TMEM156: variants seen among roughly 807,000 people sequenced by gnomAD.
TMEM156 encodes transmembrane protein 156.
A neutral mutation model predicts 30.5 loss-of-function variants in TMEM156; 28 were observed. The ratio of observed to expected loss-of-function variants is 0.92; its 90% CI spans 0.68 to 1.26. The LOEUF (loss-of-function observed/expected upper bound fraction) is 1.26, where lower values mean the gene tolerates loss of function less well. Ranked by LOEUF, TMEM156 falls within the 50% of genes most tolerant of loss-of-function variation. The pLI is 0.00. For synonymous variants in TMEM156, 137 were observed against 119.9 expected, an observed-to-expected ratio of 1.14 and a Z score of -0.93; for missense variants, 351 against 340.6, an observed-to-expected ratio of 1.03 and a Z score of -0.24.
chr4:38,999,410 C>G (rs1713181441), intron 1 of TMEM156, among the ~76,000 whole-genome samples: 1 of 152,164 alleles, frequency 6.6e-6, no homozygotes, highest in Non-Finnish European at 1.5e-5. Flanking sequence ...CTTGGAATCT[C>G]AGCATTTTAA....
chr4:39,028,966 T>C (rs1468014701), intron 1 of TMEM156, among the ~76,000 whole-genome samples: 1 of 152,206 alleles, frequency 6.6e-6, no homozygotes, highest in Non-Finnish European at 1.5e-5. Context: ...GCTCCCTTTT[T>C]TGGTAAAGTT....
At chr4:38,982,266 A>G (rs1231567076) in intron 5 of TMEM156, among the ~76,000 whole-genome samples, 1 of 152,174 alleles carries the variant, frequency 6.6e-6, no homozygotes, top group Non-Finnish European at 1.5e-5. Context: ...CTTACTCCTC[A>G]GCTTGCAGAT....
At chr4:39,000,461 A>G (rs1252777739) in intron 1 of TMEM156, among the ~76,000 whole-genome samples, 1 of 152,188 alleles carries the variant, frequency 6.6e-6, no homozygotes, top group Non-Finnish European at 1.5e-5. Flanking sequence ...AATTTACTTA[A>G]TCTCCACGAG....
intron 1 of TMEM156, among the ~76,000 whole-genome samples, chr4:39,025,132 T>C (rs998005168): frequency 2.6e-5 from 4 of 152,036 alleles, no homozygotes; most frequent in African/African-American, 9.7e-5. Flanking sequence ...GCAGATTGCC[T>C]AAACTCGGGA....
At chr4:39,017,319 T>C (rs924539450) in intron 1 of TMEM156, among the ~76,000 whole-genome samples, 9 of 151,290 alleles carry the variant, frequency 5.9e-5, no homozygotes, top group Non-Finnish European at 1.2e-4. Flanking sequence ...GGACTACAGG[T>C]GCCCGCCACC....
At chr4:38,999,349 G>A (rs897554547) in intron 1 of TMEM156, among the ~76,000 whole-genome samples, 1 of 151,996 alleles carries the variant, frequency 6.6e-6, no homozygotes, top group Non-Finnish European at 1.5e-5. Context: ...TTTTAAACCT[G>A]TGAACATTCC....
At position 38,989,793 on chromosome 4, in the gene TMEM156, A is replaced by G. The variant is rs1185412394; in HGVS notation, c.620-823T>C. 2.0e-5 allele frequency among the ~76,000 whole-genome samples: 3 copies of G among 151,716 alleles called. No homozygotes were observed. The East Asian group carries it at 5.8e-4, about 29-fold the overall frequency. ...TTTTTATTTTATTTTATTTTATCTTATTTTATTTTATTTTATTTTATTTGA... is the reference window on the plus strand; with the variant it reads ...TTTTTATTTTATTTTATTTTATCTTGTTTTATTTTATTTTATTTTATTTGA... On this transcript the variant is annotated intron_variant, in intron 3 of 6. Transcript: ENST00000381938.
chr4:39,019,031 AAC>A (rs1156557541), intron 1 of TMEM156, among the ~76,000 whole-genome samples: 3,032 of 31,656 alleles, frequency 0.096, 150 homozygotes, highest in African/African-American at 0.29. Context: ...AAAAAAACAA[AAC>A]AAAAAAAAAA....
At chr4:39,025,808 T>C (rs1332311537) in intron 1 of TMEM156, among the ~76,000 whole-genome samples, 2 of 152,090 alleles carry the variant, frequency 1.3e-5, no homozygotes, top group African/African-American at 2.4e-5. Flanking sequence ...GCAAAATAAA[T>C]TTCACACGCT....
intron 1 of TMEM156, among the ~76,000 whole-genome samples, chr4:39,027,567 T>TC (rs1311985044): frequency 1.4e-5 from 2 of 143,890 alleles, no homozygotes; most frequent in Non-Finnish European, 3.0e-5. Context: ...TTTTTTTTTT[T>TC]TTTTTTGAGA....
chr4:38,975,384 C>CT lies in TMEM156; in HGVS notation c.824-4248dup, dbSNP rs10711049. On this transcript the variant is annotated intron_variant, in intron 5 of 6. Coordinates refer to ENST00000381938, the MANE Select transcript of TMEM156 (RefSeq NM_024943.3). ...TTTTTTTTCTTTTCTTTTTTCTTTT[C>CT]TTTTTTTTTTTTTTTTGAGACAGAG... Among the ~76,000 whole-genome samples, 234 of 97,570 alleles carry CT rather than the reference C, an allele frequency of 2.4e-3. 2 individuals carry two copies. Among genetic ancestry groups the CT allele is most frequent in the East Asian group, 0.011 (33 of 3,126 alleles). 64.0% of individuals were successfully genotyped at this position (97,570 alleles called of 152,430 possible).
At chr4:39,029,713 CAAAAAAAAAAAAA>C (rs1162125684) in intron 1 of TMEM156, among the ~76,000 whole-genome samples, 56 of 1,960 alleles carry the variant, frequency 0.029, 19 homozygotes, top group Non-Finnish European at 0.029. Context: ...GACTCCGTCT[CAAAAAAAAAAAAA>C]AAAAAAAAAA....
intron 1 of TMEM156, among the ~76,000 whole-genome samples, chr4:39,018,119 T>C (rs1714621737): frequency 6.6e-6 from 1 of 152,178 alleles, no homozygotes; most frequent in South Asian, 2.1e-4. Context: ...ATTCCATTAT[T>C]TTTCCCTTTA....
chr4:39,012,052 C>T (rs1327010310), intron 1 of TMEM156, among the ~76,000 whole-genome samples: 2 of 152,186 alleles, frequency 1.3e-5, no homozygotes, highest in Admixed American at 6.5e-5. Flanking sequence ...GGCTTAAAAA[C>T]TACCTATTGG....
chr4:38,978,062 T>C (rs77800569), intron 5 of TMEM156, among the ~76,000 whole-genome samples: 9,796 of 152,274 alleles, frequency 0.064, 1,085 homozygotes, highest in African/African-American at 0.22. Context: ...GTGTTTTCGT[T>C]ACTTTGGTCC....
intron 1 of TMEM156, among the ~76,000 whole-genome samples, chr4:39,023,345 A>C (rs1158523638): frequency 6.6e-6 from 1 of 152,326 alleles, no homozygotes; most frequent in Non-Finnish European, 1.5e-5. Flanking sequence ...GCATTATTGA[A>C]TAGAAATAAA....
At chr4:38,997,897 G>A (rs1332066482) in intron 2 of TMEM156, among the ~76,000 whole-genome samples, 2 of 152,204 alleles carry the variant, frequency 1.3e-5, no homozygotes, top group Non-Finnish European at 2.9e-5. Flanking sequence ...AAGCTTACTG[G>A]AGAGTCAGAG....
At chr4:39,024,027 G>A (rs938733549) in intron 1 of TMEM156, among the ~76,000 whole-genome samples, 1 of 151,856 alleles carries the variant, frequency 6.6e-6, no homozygotes, top group East Asian at 1.9e-4. Context: ...GGAATCTTTT[G>A]TTTGTTTATT....
intron 1 of TMEM156, among the ~76,000 whole-genome samples, chr4:39,009,694 ACAT>A: frequency 6.6e-6 from 1 of 152,300 alleles, no homozygotes; most frequent in East Asian, 1.9e-4. Flanking sequence ...ATAAAATCCA[ACAT>A]TTTTTCATGA....
Sources: allele counts gnomAD v4.1 joint callset (sites outside exome capture counted in the v4.1 genomes callset), GRCh38; gene constraint gnomAD v4.1.1; transcripts MANE v1.5; gene names NCBI Gene and HGNC (gene_info 2026-07-23, HGNC 2026-07-21).